The following SEMA3D variants were observed in gnomAD, a reference collection of about 807,000 sequenced individuals.
SEMA3D encodes semaphorin 3D.
SEMA3D carries 84 observed loss-of-function variants against 100.1 expected under a neutral mutation model. That is an observed-to-expected ratio of 0.84 (90% CI 0.70 to 1.01). The LOEUF (loss-of-function observed/expected upper bound fraction) is 1.01. Ranked by LOEUF, SEMA3D falls within the 50% of genes least tolerant of loss-of-function variation. The probability of loss-of-function intolerance (pLI) is 0.00; values close to 1 mark genes in which losing one functional copy is unlikely to be tolerated. For synonymous variants in SEMA3D, 312 were observed against 320.7 expected (o/e 0.97, Z 0.29); for missense variants, 875 against 934.1 (o/e 0.94, Z 0.82).
intron 3 of SEMA3D, among the ~76,000 whole-genome samples, chr7:85,106,108 T>C (rs1488932059): frequency 6.6e-6 from 1 of 152,218 alleles, no homozygotes; most frequent in South Asian, 2.1e-4. Context: ...AAAAAGTTAG[T>C]ATTATAAATA....
At chr7:85,085,993 T>C (rs555603296) in intron 4 of SEMA3D, among the ~76,000 whole-genome samples, 9 of 152,296 alleles carry the variant, frequency 5.9e-5, no homozygotes, top group African/African-American at 2.2e-4. Flanking sequence ...AACTGACTTT[T>C]TGATTAGCAA....
chr7:85,218,476 G>T, the SEMA3D span, among the ~76,000 whole-genome samples: 10 of 151,718 alleles, frequency 6.6e-5, no homozygotes, highest in African/African-American at 2.4e-4. Context: ...GAAAATTTTG[G>T]GTATTTTTAT....
At chr7:85,078,846 C>T (rs1165480819) in intron 5 of SEMA3D, among the ~76,000 whole-genome samples, 1 of 152,074 alleles carries the variant, frequency 6.6e-6, no homozygotes, top group African/African-American at 2.4e-5. Context: ...GTAAAAATTA[C>T]TAGAGAGGAA....
At chr7:85,027,777 G>A in intron 12 of SEMA3D, 1 of 411,952 alleles carries the variant, frequency 2.4e-6, no homozygotes, top group Non-Finnish European at 4.7e-6. Flanking sequence ...GCAGCTTTTG[G>A]GGTTCTGTGT....
chr7:85,249,073 G>T, the SEMA3D span, among the ~76,000 whole-genome samples: 2 of 152,288 alleles, frequency 1.3e-5, no homozygotes, highest in South Asian at 4.1e-4. Context: ...TTATGCATGT[G>T]TGGGAACAGG....
intron 12 of SEMA3D, among the ~76,000 whole-genome samples, chr7:85,025,640 A>G (rs979691911): frequency 6.6e-6 from 1 of 152,062 alleles, no homozygotes; most frequent in African/African-American, 2.4e-5. Context: ...AGTCAGAGGA[A>G]TGACTAATGT....
rs546355688 is a variant in SEMA3D at position 85,037,060 on chromosome 7, A to G, written c.1047-27T>C. ...TGGAAAAAAAAAGCATCATCATTCA[A>G]TCATTCACTGATGAATTCAATAAAC... On this transcript the variant is annotated intron_variant, in intron 11 of 18. Transcript: ENST00000284136. 5.9e-5 allele frequency: 94 copies of G among 1,604,740 alleles called. 1 individual carries two copies. The South Asian group carries it at 9.3e-4, about 16-fold the overall frequency.
chr7:85,135,685 A>G (rs1789844026), intron 2 of SEMA3D, among the ~76,000 whole-genome samples: 1 of 150,882 alleles, frequency 6.6e-6, no homozygotes, highest in East Asian at 1.9e-4. Context: ...ATAAATAAAC[A>G]TTAAAAAAGA....
chr7:85,165,155 T>C (rs1357629515), intron 1 of SEMA3D, among the ~76,000 whole-genome samples: 1 of 151,940 alleles, frequency 6.6e-6, no homozygotes, highest in Non-Finnish European at 1.5e-5. Flanking sequence ...ACATGGCACA[T>C]GTATACATGT....
At chr7:85,155,805 T>C (rs75737677) in intron 1 of SEMA3D, among the ~76,000 whole-genome samples, 1 of 152,158 alleles carries the variant, frequency 6.6e-6, no homozygotes, top group African/African-American at 2.4e-5. Flanking sequence ...CAACAAGTAA[T>C]GAGCCCTTGA....
intron 5 of SEMA3D, among the ~76,000 whole-genome samples, chr7:85,080,043 C>T (rs982686001): frequency 2.6e-5 from 4 of 152,098 alleles, no homozygotes; most frequent in Admixed American, 2.6e-4. Context: ...TTTCCCACTG[C>T]ATTTTATGTT....
chr7:85,003,411 T>TA (rs1789707540), intron 18 of SEMA3D, among the ~76,000 whole-genome samples: 1 of 151,920 alleles, frequency 6.6e-6, no homozygotes, highest in Admixed American at 6.6e-5. Flanking sequence ...TACATGTAAA[T>TA]ACAATATGCA....
At chr7:85,222,483 A>G in the SEMA3D span, among the ~76,000 whole-genome samples, 7 of 152,014 alleles carry the variant, frequency 4.6e-5, no homozygotes, top group African/African-American at 1.7e-4. Flanking sequence ...GTTTCCCACT[A>G]TGGTTTTTGT....
At chr7:85,129,700 T>A (rs1402756116) in intron 2 of SEMA3D, among the ~76,000 whole-genome samples, 3 of 152,256 alleles carry the variant, frequency 2.0e-5, no homozygotes, top group South Asian at 4.1e-4. Flanking sequence ...AGTAAATAAT[T>A]ATGAAATAAT....
At chr7:85,012,641 T>C in intron 17 of SEMA3D, 141 bp downstream of exon 17, 1 of 566,050 alleles carries the variant, frequency 1.8e-6, no homozygotes, top group Non-Finnish European at 3.1e-6. Context: ...TAAAATTTCC[T>C]GTTGCTCTTC....
At chr7:85,109,336 C>A (rs1033364218) in intron 3 of SEMA3D, among the ~76,000 whole-genome samples, 1 of 151,948 alleles carries the variant, frequency 6.6e-6, no homozygotes, top group Admixed American at 6.6e-5. Context: ...CCCATTACAG[C>A]TATATTTTAT....
chr7:85,223,123 C>A, the SEMA3D span, among the ~76,000 whole-genome samples: 10 of 152,134 alleles, frequency 6.6e-5, no homozygotes, highest in East Asian at 9.7e-4. Context: ...CATCTTATTC[C>A]TGCAAGAATG....
At chr7:85,198,124 T>C in the SEMA3D span, among the ~76,000 whole-genome samples, 1 of 152,174 alleles carries the variant, frequency 6.6e-6, no homozygotes, top group African/African-American at 2.4e-5. Flanking sequence ...GAATTGACTC[T>C]TTTTGATATG....
chr7:85,150,365 AT>A (rs1195941843), intron 2 of SEMA3D, among the ~76,000 whole-genome samples: 5 of 142,394 alleles, frequency 3.5e-5, no homozygotes, highest in African/African-American at 1.3e-4. Flanking sequence ...ATATATATAT[AT>A]ATTATATATA....
Sources: allele counts gnomAD v4.1 joint callset (sites outside exome capture counted in the v4.1 genomes callset), GRCh38; gene constraint gnomAD v4.1.1; transcripts MANE v1.5; gene names NCBI Gene and HGNC (gene_info 2026-07-23, HGNC 2026-07-21).